TAB3: variants seen among roughly 807,000 people sequenced by gnomAD.
TAB3 encodes TGF-beta-activated kinase 1 and MAP3K7-binding protein 3.
TAB3 carries 18 observed loss-of-function variants against 48.1 expected under a neutral mutation model. That is an observed-to-expected ratio of 0.37 (90% confidence interval 0.26 to 0.55). TAB3 has a LOEUF of 0.55. TAB3 is among the 20% of genes least tolerant of loss of function. The probability of loss-of-function intolerance (pLI) is 0.78; values close to 1 mark genes in which losing one functional copy is unlikely to be tolerated. For synonymous variants in TAB3, 185 were observed against 190.2 expected, an observed-to-expected ratio of 0.97 and a Z score of 0.22; for missense variants, 414 against 549.8, an observed-to-expected ratio of 0.75 and a Z score of 2.47.
intron 9 of TAB3, among the ~76,000 whole-genome samples, chrX:30,840,188 TTTTG>T (rs773814121): frequency 1.2e-4 from 13 of 110,311 alleles, no homozygotes; most frequent in African/African-American, 3.3e-4. Flanking sequence ...AGTTTATTGA[TTTTG>T]TTTATCTTTT....
chrX:30,886,709 C>G (rs7057279), intron 1 of TAB3, among the ~76,000 whole-genome samples: 25,102 of 112,075 alleles, frequency 0.22, 2,142 homozygotes, highest in Admixed American at 0.35. Flanking sequence ...GACTAAGTGA[C>G]TTGGTGGAGG....
chrX:30,868,312 T>TATATATATATA (rs1410557148), intron 2 of TAB3, among the ~76,000 whole-genome samples: 357 of 2,410 alleles, frequency 0.15, 125 homozygotes, highest in African/African-American at 0.35. Flanking sequence ...TATATATATA[T>TATATATATATA]AGCTTATATA....
chrX:30,883,290 G>A (rs1396363168), intron 1 of TAB3, among the ~76,000 whole-genome samples: 1 of 111,803 alleles, frequency 8.9e-6, no homozygotes, highest in Non-Finnish European at 1.9e-5. Context: ...TCCTAGACCA[G>A]TCAAGCTGAA....
chrX:30,855,691 C>CA (rs749805432), intron 5 of TAB3, 129 bp from the exon 6 acceptor site: 85 of 623,905 alleles, frequency 1.4e-4, no homozygotes, highest in Admixed American at 2.1e-4. Flanking sequence ...ATTTTAACCA[C>CA]AAAAAACTTC....
At chrX:30,857,160 A>ATGAT (rs1345511459) in intron 5 of TAB3, among the ~76,000 whole-genome samples, 2 of 112,246 alleles carry the variant, frequency 1.8e-5, no homozygotes, top group African/African-American at 6.5e-5. Context: ...TTCTACCCAG[A>ATGAT]TGATAGTGAC....
At chrX:30,869,849 A>G (rs1024571135) in intron 2 of TAB3, among the ~76,000 whole-genome samples, 3 of 112,433 alleles carry the variant, frequency 2.7e-5, no homozygotes, top group African/African-American at 9.7e-5. Flanking sequence ...TGATGACTAT[A>G]AGGGGAAAAG....
At chrX:30,864,786 A>AGT (rs1161661573) in intron 4 of TAB3, among the ~76,000 whole-genome samples, 28 of 107,579 alleles carry the variant, frequency 2.6e-4, no homozygotes, top group South Asian at 8.0e-4. Context: ...TGGCCATCAC[A>AGT]GTGTGTGTGT....
intron 7 of TAB3, among the ~76,000 whole-genome samples, chrX:30,848,263 C>G (rs1430018028): frequency 8.9e-6 from 1 of 112,223 alleles, no homozygotes; most frequent in Non-Finnish European, 1.9e-5. Flanking sequence ...GTGGCTCACT[C>G]CTGTAATCCC....
chrX:30,886,396 G>A (rs1343660314), intron 1 of TAB3, among the ~76,000 whole-genome samples: 3 of 111,136 alleles, frequency 2.7e-5, no homozygotes, highest in South Asian at 7.5e-4. Context: ...CACAAGTAAG[G>A]AAGTATATTT....
chrX:30,870,609 G>GT (rs1364878718), intron 2 of TAB3, among the ~76,000 whole-genome samples: 4 of 112,359 alleles, frequency 3.6e-5, no homozygotes, highest in African/African-American at 9.7e-5. Context: ...CAAAAAATAG[G>GT]TTTTTTGTTT....
At chrX:30,844,092 C>A (rs1938546487) in intron 8 of TAB3, 1 of 110,367 alleles carries the variant, frequency 9.1e-6, no homozygotes, top group African/African-American at 3.3e-5. Flanking sequence ...CTGCCTCCCC[C>A]CGTCACCACC....
rs1296905844 is a variant in TAB3 at position 30,828,972 on chromosome X, C to T, written c.*2455G>A. On this transcript the variant is annotated 3_prime_UTR_variant, in exon 11 of 11. Coordinates refer to ENST00000288422, the MANE Select transcript of TAB3 (RefSeq NM_152787.5). Reference sequence around the variant, plus strand: ...GATTTATCAGTGTCAAGTCATTTTGCCTATTTTAAAACTGAATACAGCCTA... The same window carrying T: ...GATTTATCAGTGTCAAGTCATTTTGTCTATTTTAAAACTGAATACAGCCTA... 2 of 112,089 alleles carry T rather than the reference C, an allele frequency of 1.8e-5. No individual in the cohort carries two copies. Among genetic ancestry groups the T allele is most frequent in the Non-Finnish European group, 3.8e-5 (2 of 53,208 alleles). The allele number at this position is 112,089 out of a possible 1,213,427, so 9.2% of individuals were successfully genotyped here. A position where few individuals can be genotyped will look rare whatever the true frequency, so the allele number is the denominator to read the frequency against.
At chrX:30,832,927 G>C (rs888683696) in intron 10 of TAB3, among the ~76,000 whole-genome samples, 1 of 110,270 alleles carries the variant, frequency 9.1e-6, no homozygotes, top group Non-Finnish European at 1.9e-5. Flanking sequence ...GAGGAATAAA[G>C]CCTTCGGTTG....
At chrX:30,850,954 A>G (rs760676218) in intron 7 of TAB3, among the ~76,000 whole-genome samples, 3 of 111,557 alleles carry the variant, frequency 2.7e-5, no homozygotes, top group Non-Finnish European at 5.6e-5. Flanking sequence ...AAATTTGTTT[A>G]TGCTCTACAG....
intron 7 of TAB3, among the ~76,000 whole-genome samples, chrX:30,849,205 C>CG (rs1450012546): frequency 8.9e-6 from 1 of 112,241 alleles, no homozygotes; most frequent in African/African-American, 3.2e-5. Flanking sequence ...ACATACAGAT[C>CG]TAAGAGATGA....
chrX:30,853,072 G>T, intron 6 of TAB3, 134 bp from the exon 7 acceptor site: 1 of 612,825 alleles, frequency 1.6e-6, no homozygotes, highest in Non-Finnish European at 2.5e-6. Flanking sequence ...TCTTTCTAAT[G>T]CTATGCTGCC....
At chrX:30,847,853 A>G (rs1254906976) in intron 7 of TAB3, among the ~76,000 whole-genome samples, 1 of 111,802 alleles carries the variant, frequency 8.9e-6, no homozygotes, top group Non-Finnish European at 1.9e-5. Context: ...TAAAAGGCAG[A>G]ATAGCTACAA....
chrX:30,858,351 C>A (rs1939139747), intron 5 of TAB3, among the ~76,000 whole-genome samples: 1 of 111,455 alleles, frequency 9.0e-6, no homozygotes, highest in Admixed American at 9.6e-5. Flanking sequence ...TTTGCTCTAC[C>A]AGAAACCAAA....
intron 9 of TAB3, among the ~76,000 whole-genome samples, chrX:30,839,005 T>C (rs1283783922): frequency 9.0e-6 from 1 of 110,502 alleles, no homozygotes; most frequent in African/African-American, 3.3e-5. Flanking sequence ...TTTTCTCTCT[T>C]ACTGCATGGG....
Sources: allele counts gnomAD v4.1 joint callset (sites outside exome capture counted in the v4.1 genomes callset), GRCh38; gene constraint gnomAD v4.1.1; transcripts MANE v1.5; gene names NCBI Gene and HGNC (gene_info 2026-07-23, HGNC 2026-07-21).